Variants in SPEN observed in about 807,000 individuals in gnomAD.
The protein encoded by SPEN is msx2-interacting protein.
In SPEN, 18 loss-of-function variants were observed where a neutral mutation model predicts 269.9. That is an observed-to-expected ratio of 0.07 (90% CI 0.05 to 0.10). SPEN has a LOEUF of 0.10. Among genes scored for constraint, SPEN ranks in the 10% least tolerant of loss-of-function variants. The pLI, the probability that SPEN is intolerant of heterozygous loss-of-function variation, is 1.00. For missense variants in SPEN, 3,822 were observed against 4,631.2 expected, an observed-to-expected ratio of 0.83 and a Z score of 5.07; for synonymous variants, 1,726 against 1,765.7, an observed-to-expected ratio of 0.98 and a Z score of 0.56.
At chr1:15,889,691 T>C (rs145127282) in intron 3 of SPEN, among the ~76,000 whole-genome samples, 1 of 152,286 alleles carries the variant, frequency 6.6e-6, no homozygotes, top group East Asian at 1.9e-4. Flanking sequence ...CTAGAAATTA[T>C]GATATCTCTA....
chr1:15,875,280 T>TGTTAA (rs149984757), intron 2 of SPEN, among the ~76,000 whole-genome samples: 4 of 151,690 alleles, frequency 2.6e-5, no homozygotes, highest in African/African-American at 9.7e-5. Context: ...TAAATGATTG[T>TGTTAA]TTAAGTTAAG....
chr1:15,937,166 C>T lies in SPEN; in HGVS notation c.10030C>T (p.Pro3344Ser), dbSNP rs1050094513. The T allele has an allele frequency of 1.2e-6, 2 of 1,609,862 alleles. No homozygotes were observed. Among genetic ancestry groups the T allele is most frequent in the African/African-American group, 2.7e-5 (2 of 74,692 alleles). The change falls in exon 12 of 15, where the codon CCT becomes TCT. Residue 3344 changes from proline (P) to serine (S), a missense_variant. By Grantham distance (74) the Pro-to-Ser change is moderately conservative (BLOSUM62 -1). Coordinates refer to ENST00000375759, the MANE Select transcript of SPEN (RefSeq NM_015001.3). This position sits in a 1 kb window ranked among gnomAD's most constrained non-coding sequence, Gnocchi z 5.7. ...PSRTKTAAQG[P>S]PPEGEPLQPP... is the part of the protein sequence containing the mutation. Reference sequence around the variant, plus strand: ...TTGCCTTCCTTCCCTACACCAGGGCCCTCCTCCTGAAGGTGAGCCCCTGCA... The same window carrying T: ...TTGCCTTCCTTCCCTACACCAGGGCTCTCCTCCTGAAGGTGAGCCCCTGCA...
Position 15,931,899 on chromosome 1 carries a change from C to G in SPEN, c.5659C>G (p.Leu1887Val), listed in dbSNP as rs2148740486. ...TGCTTCTAAAAACTCTGCTGCAGAC[C>G]TTGAACATCCCGAACCAAGTTTGCC... is the stretch of plus-strand genomic sequence containing the variant. ...RTASKNSAAD[L>V]EHPEPSLPLS... Residue 1887 changes from leucine (L) to valine (V), a missense_variant, in exon 11 of 15, where the codon CTT becomes GTT. Leu to Val is a conservative substitution (Grantham distance 32). Around this residue, in one of 16 missense-constraint regions of SPEN, gnomAD observed 533 missense variants for 618.8 expected, o/e 0.86. Coordinates refer to ENST00000375759, the MANE Select transcript of SPEN (RefSeq NM_015001.3). This position sits in a 1 kb window ranked among gnomAD's most constrained non-coding sequence, Gnocchi z 4.8. 1 of 1,614,204 alleles carries G rather than the reference C, an allele frequency of 6.2e-7. No homozygotes were observed. Among genetic ancestry groups the G allele is most frequent in the Non-Finnish European group, 8.5e-7 (1 of 1,180,036 alleles).
Position 15,931,949 on chromosome 1 carries a change from T to G in SPEN, c.5709T>G (p.Asn1903Lys). 6.2e-7 allele frequency: 1 copy of G among 1,614,186 alleles called. No individual in the cohort carries two copies. Among genetic ancestry groups the G allele is most frequent in the Non-Finnish European group, 8.5e-7 (1 of 1,180,024 alleles). Residue 1903 changes from asparagine to lysine, a missense_variant, in exon 11 of 15, where the codon AAT becomes AAG. Asn to Lys is a moderately conservative substitution (Grantham distance 94, BLOSUM62 0). Coordinates refer to ENST00000375759, the MANE Select transcript of SPEN (RefSeq NM_015001.3). This position sits in a 1 kb window ranked among gnomAD's most constrained non-coding sequence, Gnocchi z 4.8. ...SLPLSRTRRRNVRSVYATMGD... is the reference protein window; with the variant it reads ...SLPLSRTRRRKVRSVYATMGD... Reference sequence around the variant, plus strand: ...CTCTCAGCCGAACAAGGCGCCGGAATGTAAGGAGCGTCTATGCAACCATGG... The same window carrying G: ...CTCTCAGCCGAACAAGGCGCCGGAAGGTAAGGAGCGTCTATGCAACCATGG...
At chr1:15,881,580 G>GA (rs2070688044) in intron 3 of SPEN, among the ~76,000 whole-genome samples, 1 of 152,152 alleles carries the variant, frequency 6.6e-6, no homozygotes, top group South Asian at 2.1e-4. Flanking sequence ...ATAAGTAGTT[G>GA]AAATACTTAG....
rs766644588 is a variant in SPEN at position 15,931,499 on chromosome 1, T to C, written c.5259T>C (p.Pro1753=). ...CAGAGAGCAACGTAGATCCAGAGCC[T>C]GACAGTACCCAGCCACTTTCAAAAC... ...SQAESNVDPE[P]DSTQPLSKPA... is the part of the protein sequence containing the mutation. The change falls in exon 11 of 15, where the codon CCT becomes CCC. Residue 1753 remains proline (P), a synonymous_variant. Coordinates refer to ENST00000375759, the MANE Select transcript of SPEN (RefSeq NM_015001.3). The surrounding 1 kb of genome is among the most constrained non-coding windows in gnomAD (Gnocchi z 4.8). 1 of 1,614,128 alleles carries C rather than the reference T, an allele frequency of 6.2e-7. No homozygotes were observed. Among genetic ancestry groups the C allele is most frequent in the Non-Finnish European group, 8.5e-7 (1 of 1,180,024 alleles).
chr1:15,928,441 C>T lies in SPEN; in HGVS notation c.2201C>T (p.Pro734Leu). The T allele has an allele frequency of 6.2e-7, 1 of 1,614,116 alleles. No individual in the cohort carries two copies. The highest frequency in any genetic ancestry group is 1.3e-5 in the African/African-American group (1 of 75,030). Reference protein sequence around the residue: ...RSQSPVHLRRPQSPGASPSQA... With the variant: ...RSQSPVHLRRLQSPGASPSQA... ...CAAAGTCCTGTTCACTTGCGACGTC[C>T]ACAGAGTCCTGGAGCGTCTCCCTCT... Residue 734 changes from proline to leucine, a missense_variant, in exon 11 of 15, where the codon CCA becomes CTA. Transcript: ENST00000375759. The surrounding 1 kb of genome is among the most constrained non-coding windows in gnomAD (Gnocchi z 5.7).
In SPEN at chr1:15,937,147, T is replaced by G. The variant is rs561352951; in HGVS notation, c.10027-16T>G. The G allele has an allele frequency of 7.5e-6, 12 of 1,603,658 alleles. No homozygotes were observed. Among genetic ancestry groups the G allele is most frequent in the Non-Finnish European group, 9.4e-6 (11 of 1,173,666 alleles). On this transcript the variant is annotated splice_polypyrimidine_tract_variant and intron_variant, in intron 11 of 14. Coordinates refer to ENST00000375759, the MANE Select transcript of SPEN (RefSeq NM_015001.3). The surrounding 1 kb of genome is among the most constrained non-coding windows in gnomAD (Gnocchi z 5.7). ...ACAGACTGACTCTGTCCCTTTGCCTTCCTTCCCTACACCAGGGCCCTCCTC... is the reference window on the plus strand; with the variant it reads ...ACAGACTGACTCTGTCCCTTTGCCTGCCTTCCCTACACCAGGGCCCTCCTC...
Position 15,937,194 on chromosome 1 carries a change from C to T in SPEN, c.10058C>T (p.Pro3353Leu), listed in dbSNP as rs2071284269. 5.6e-6 allele frequency: 9 copies of T among 1,613,380 alleles called. No homozygotes were observed. Among genetic ancestry groups the T allele is most frequent in the Non-Finnish European group, 7.6e-6 (9 of 1,179,762 alleles). The change falls in exon 12 of 15, where the codon CCT (proline) becomes CTT (leucine). Residue 3353 changes from proline to leucine, a missense_variant. Pro to Leu is a moderately conservative substitution (Grantham distance 98). Transcript: ENST00000375759. The surrounding 1 kb of genome is among the most constrained non-coding windows in gnomAD (Gnocchi z 5.7). ...GPPPEGEPLQ[P>L]PQPVQSTQPA... ...CCTCCTGAAGGTGAGCCCCTGCAGCCTCCTCAGCCTGTGCAGTCCACACAG... is the reference window on the plus strand; with the variant it reads ...CCTCCTGAAGGTGAGCCCCTGCAGCTTCCTCAGCCTGTGCAGTCCACACAG...
At position 15,933,015 on chromosome 1, in the gene SPEN, T is replaced by G; in HGVS notation, c.6775T>G (p.Ser2259Ala). Residue 2259 changes from serine to alanine, a missense_variant, in exon 11 of 15, where the codon TCT (serine) becomes GCT (alanine). Coordinates refer to ENST00000375759, the MANE Select transcript of SPEN (RefSeq NM_015001.3). This position sits in a 1 kb window ranked among gnomAD's most constrained non-coding sequence, Gnocchi z 5.7. ...PPAGAQALQP[S>A]EEGMETDEAV... ...CGCAGGTGCACAGGCGCTGCAGCCT[T>G]CTGAGGAAGGAATGGAGACAGATGA... 6.2e-7 allele frequency: 1 copy of G among 1,614,068 alleles called. No homozygotes were observed.
intron 1 of SPEN, among the ~76,000 whole-genome samples, chr1:15,857,209 C>T (rs2070395980): frequency 6.6e-6 from 1 of 152,052 alleles, no homozygotes; most frequent in Non-Finnish European, 1.5e-5. Context: ...GGACTACAGG[C>T]GCACACCACC....
At chr1:15,876,890 C>T (rs903658981) in intron 3 of SPEN, among the ~76,000 whole-genome samples, 5 of 152,186 alleles carry the variant, frequency 3.3e-5, no homozygotes, top group African/African-American at 1.2e-4. Flanking sequence ...GTTTCATCCT[C>T]CAGATGCACA....
chr1:15,897,513 C>G (rs2070854264), intron 3 of SPEN, among the ~76,000 whole-genome samples: 1 of 152,246 alleles, frequency 6.6e-6, no homozygotes, highest in South Asian at 2.1e-4. Flanking sequence ...AGGCACCAGC[C>G]ACCACACCCA....
intron 4 of SPEN, among the ~76,000 whole-genome samples, chr1:15,910,065 A>C (rs1423848461): frequency 6.9e-6 from 1 of 145,212 alleles, no homozygotes; most frequent in Non-Finnish European, 1.5e-5. Flanking sequence ...CGGAGTTTGC[A>C]GTGAGCTGAG....
At chr1:15,921,098 G>T in intron 9 of SPEN, 115 bp downstream of exon 9, 3 of 486,332 alleles carry the variant, frequency 6.2e-6, no homozygotes, top group South Asian at 6.8e-5. Context: ...GGCCAAGGCA[G>T]GTGGATCACC....
intron 2 of SPEN, chr1:15,873,925 A>T: frequency 1.7e-6 from 2 of 1,151,704 alleles, no homozygotes; most frequent in Non-Finnish European, 2.2e-6. Flanking sequence ...TTGCTGTCCA[A>T]TCAAAGGTAC....
Position 15,929,049 on chromosome 1 carries a change from A to G in SPEN, c.2809A>G (p.Met937Val), listed in dbSNP as rs765907492. The change falls in exon 11 of 15, where the codon ATG becomes GTG. Residue 937 changes from methionine to valine, a missense_variant. Met to Val is a conservative substitution (Grantham distance 21). Coordinates refer to ENST00000375759, the MANE Select transcript of SPEN (RefSeq NM_015001.3). The surrounding 1 kb of genome is among the most constrained non-coding windows in gnomAD (Gnocchi z 5.8). ...SDLSKLESVRMKVPKEKGLSS... is the reference protein window; with the variant it reads ...SDLSKLESVRVKVPKEKGLSS... ...CTTGTCTAAACTGGAATCAGTTAGAATGAAAGTACCAAAGGAAAAGGGGCT... is the reference window on the plus strand; with the variant it reads ...CTTGTCTAAACTGGAATCAGTTAGAGTGAAAGTACCAAAGGAAAAGGGGCT... 2.8e-5 allele frequency: 46 copies of G among 1,614,124 alleles called. No individual in the cohort carries two copies. In the Middle Eastern group the frequency reaches 4.9e-4, roughly 17 times the overall value.
chr1:15,883,564 G>C (rs1208370419), intron 3 of SPEN, among the ~76,000 whole-genome samples: 1 of 151,828 alleles, frequency 6.6e-6, no homozygotes, highest in Non-Finnish European at 1.5e-5. Context: ...GGGACTATAG[G>C]CATGCGCCAC....
chr1:15,902,734 T>A lies in SPEN; in HGVS notation c.882-6587T>A, dbSNP rs368952195. ...GGACCAGTGGGCACCCAAACCTGAT[T>A]GAAAATCTTTTCTTTTGACCCCAAA... On this transcript the variant is annotated intron_variant, in intron 3 of 14. Coordinates refer to ENST00000375759, the MANE Select transcript of SPEN (RefSeq NM_015001.3). Among the ~76,000 whole-genome samples, 79 of 152,326 alleles carry A rather than the reference T, an allele frequency of 5.2e-4. No individual in the cohort carries two copies. In the South Asian group the frequency reaches 0.016, roughly 31 times the overall value.
Sources: gnomAD v4.1 joint callset for allele counts (sites outside exome capture counted in the v4.1 genomes callset) on GRCh38, gnomAD v4.1.1 for gene constraint, gnomAD v4.1.1 regional missense constraint, Gnocchi (gnomAD v3.1) non-coding constraint, MANE v1.5 for transcripts, NCBI Gene and HGNC (gene_info 2026-07-23, HGNC 2026-07-21) for gene names.